Variants in KSR2 observed in about 807,000 individuals in gnomAD.
KSR2 encodes the protein kinase suppressor of ras 2.
In KSR2, 25 loss-of-function variants were observed where a neutral mutation model predicts 107.8. The observed-to-expected ratio is 0.23, with a 90% CI of 0.17 to 0.32. KSR2 has a LOEUF of 0.32. KSR2 is among the 10% of genes least tolerant of loss of function. The pLI, the probability that KSR2 is intolerant of heterozygous loss-of-function variation, is 1.00. For missense variants in KSR2, 887 were observed against 1,268.9 expected, an observed-to-expected ratio of 0.70 and a Z score of 4.57; for synonymous variants, 480 against 507.0, an observed-to-expected ratio of 0.95 and a Z score of 0.71.
At chr12:117,594,017 A>G (rs939856595) in intron 5 of KSR2, among the ~76,000 whole-genome samples, 1 of 152,222 alleles carries the variant, frequency 6.6e-6, no homozygotes, top group Non-Finnish European at 1.5e-5. Context: ...AGTTCCTCAC[A>G]CACTACATCA....
intron 3 of KSR2, among the ~76,000 whole-genome samples, chr12:117,778,588 G>A (rs7963245): frequency 0.49 from 74,258 of 152,022 alleles, 19,418 homozygotes; most frequent in African/African-American, 0.66. Flanking sequence ...GTGGAAGGTC[G>A]TCCTTATCTT....
At chr12:117,618,650 A>T (rs1484483769) in intron 5 of KSR2, among the ~76,000 whole-genome samples, 1 of 152,064 alleles carries the variant, frequency 6.6e-6, no homozygotes, top group Admixed American at 6.6e-5. Flanking sequence ...ATGGTAGTGA[A>T]TAAGTCTCAT....
At chr12:117,745,614 T>C (rs1348857802) in intron 4 of KSR2, among the ~76,000 whole-genome samples, 1 of 152,144 alleles carries the variant, frequency 6.6e-6, no homozygotes, top group Non-Finnish European at 1.5e-5. Flanking sequence ...TAAAGGGTAT[T>C]CAAATAGGAA....
chr12:117,892,970 G>T (rs919965665), intron 1 of KSR2, among the ~76,000 whole-genome samples: 1 of 151,252 alleles, frequency 6.6e-6, no homozygotes, highest in African/African-American at 2.4e-5. Flanking sequence ...CCAAATGAAT[G>T]AATTACTAAT....
intron 1 of KSR2, among the ~76,000 whole-genome samples, chr12:117,950,189 G>A (rs1454051171): frequency 6.6e-6 from 1 of 151,940 alleles, no homozygotes; most frequent in Non-Finnish European, 1.5e-5. Context: ...GCCCGGGGTG[G>A]TCTCGAACTC....
chr12:117,870,432 C>A (rs143259388), intron 1 of KSR2, among the ~76,000 whole-genome samples: 5,401 of 152,036 alleles, frequency 0.036, 139 homozygotes, highest in South Asian at 0.055. Context: ...GAAACCCCAT[C>A]TCTATTAAAA....
chr12:117,934,875 G>T (rs1895793732), intron 1 of KSR2, among the ~76,000 whole-genome samples: 1 of 151,986 alleles, frequency 6.6e-6, no homozygotes, highest in South Asian at 2.1e-4. Context: ...ACCCAGGCTG[G>T]AGTGCAGTGG....
In KSR2 at chr12:117,459,277, T is replaced by G. The variant is rs1870777451; in HGVS notation, c.*7922A>C. 1 of 152,222 alleles carries G rather than the reference T, an allele frequency of 6.6e-6. No individual in the cohort carries two copies. The highest frequency in any genetic ancestry group is 1.5e-5 in the Non-Finnish European group (1 of 68,044). The allele number at this position is 152,222 out of a possible 1,614,324, so 9.4% of individuals were successfully genotyped here. ...GTTTCTGAGGCCTGAGTTCTAAACCTACCTCTGCCTCTTAGAAGGGACCTG... is the reference window on the plus strand; with the variant it reads ...GTTTCTGAGGCCTGAGTTCTAAACCGACCTCTGCCTCTTAGAAGGGACCTG... On this transcript the variant is annotated 3_prime_UTR_variant, in exon 20 of 20. Transcript: ENST00000339824.
At chr12:117,570,127 C>T (rs1178413529) in intron 7 of KSR2, among the ~76,000 whole-genome samples, 2 of 152,132 alleles carry the variant, frequency 1.3e-5, no homozygotes, top group African/African-American at 4.8e-5. Flanking sequence ...CTCAGCCTCC[C>T]CAGTAGCTGG....
chr12:117,716,090 T>A (rs760246151), intron 4 of KSR2, among the ~76,000 whole-genome samples: 1 of 152,236 alleles, frequency 6.6e-6, no homozygotes, highest in Non-Finnish European at 1.5e-5. Flanking sequence ...TGTCTGCTTC[T>A]TTCATAGCAC....
chr12:117,494,997 G>A (rs560981428), intron 14 of KSR2, among the ~76,000 whole-genome samples: 1 of 152,326 alleles, frequency 6.6e-6, no homozygotes, highest in South Asian at 2.1e-4. Flanking sequence ...TCTCCCAGTG[G>A]CTACTCTCTA....
chr12:117,658,882 T>C (rs566949726), intron 5 of KSR2, among the ~76,000 whole-genome samples: 1 of 152,298 alleles, frequency 6.6e-6, no homozygotes, highest in Admixed American at 6.5e-5. Flanking sequence ...GAAGGCGTTA[T>C]GGTTTTTAGT....
At chr12:117,506,022 A>C (rs1277424696) in intron 14 of KSR2, among the ~76,000 whole-genome samples, 2 of 152,224 alleles carry the variant, frequency 1.3e-5, no homozygotes, top group Non-Finnish European at 2.9e-5. Context: ...AGCATGTCTT[A>C]TAAAGCCCCG....
chr12:117,587,968 C>A (rs183726808), intron 5 of KSR2, among the ~76,000 whole-genome samples: 100 of 152,318 alleles, frequency 6.6e-4, no homozygotes, highest in African/African-American at 2.3e-3. Context: ...ATCACCCCAA[C>A]CCCTACCCAG....
intron 3 of KSR2, among the ~76,000 whole-genome samples, chr12:117,761,734 T>C (rs1889035016): frequency 6.6e-6 from 1 of 152,192 alleles, no homozygotes; most frequent in South Asian, 2.1e-4. Flanking sequence ...CATTACATCA[T>C]ATGCATGTTA....
intron 14 of KSR2, among the ~76,000 whole-genome samples, chr12:117,506,862 T>C (rs186366954): frequency 1.3e-5 from 2 of 152,268 alleles, no homozygotes; most frequent in Admixed American, 1.3e-4. Flanking sequence ...TGTGTGTATA[T>C]ATATGTATAC....
chr12:117,778,411 A>G (rs1271210802), intron 3 of KSR2, among the ~76,000 whole-genome samples: 1 of 152,200 alleles, frequency 6.6e-6, no homozygotes, highest in Non-Finnish European at 1.5e-5. Flanking sequence ...TTGAACAGTC[A>G]TAAATTAAAG....
chr12:117,686,870 T>C (rs1422950036), intron 4 of KSR2, among the ~76,000 whole-genome samples: 1 of 152,112 alleles, frequency 6.6e-6, no homozygotes, highest in Non-Finnish European at 1.5e-5. Context: ...TTCTATGAGA[T>C]CCACGCTGAA....
At chr12:117,478,976 C>T (rs1029130693) in intron 16 of KSR2, among the ~76,000 whole-genome samples, 1 of 152,182 alleles carries the variant, frequency 6.6e-6, no homozygotes, top group Non-Finnish European at 1.5e-5. Flanking sequence ...TGTCCTCCCC[C>T]ACATCAACTT....
Sources: allele counts gnomAD v4.1 joint callset (sites outside exome capture counted in the v4.1 genomes callset), GRCh38; gene constraint gnomAD v4.1.1; transcripts MANE v1.5; gene names NCBI Gene and HGNC (gene_info 2026-07-23, HGNC 2026-07-21).